The following ADGRG1 variants were observed in gnomAD, a reference collection of about 807,000 sequenced individuals.
ADGRG1 encodes 7-transmembrane protein with no EGF-like N-terminal domains-1.
A neutral mutation model predicts 73.5 loss-of-function variants in ADGRG1; 53 were observed. The ratio of observed to expected loss-of-function variants is 0.72; its 90% CI spans 0.58 to 0.91. The LOEUF is 0.91. Ranked by LOEUF, ADGRG1 falls within the 40% of genes least tolerant of loss-of-function variation. ADGRG1 has a pLI of 0.00. For synonymous variants in ADGRG1, 394 were observed against 374.4 expected (o/e 1.05, Z -0.60); for missense variants, 795 against 871.8 (o/e 0.91, Z 1.11).
At chr16:57,624,776 C>G (rs1425247010), upstream of ADGRG1, 3 of 914,364 alleles carry the variant, frequency 3.3e-6, no homozygotes, top group African/African-American at 5.4e-5. Context: ...TTGAAGATCT[C>G]CTCCTACCTC....
chr16:57,625,262 A>AG, upstream of ADGRG1, among the ~76,000 whole-genome samples: 1 of 152,272 alleles, frequency 6.6e-6, no homozygotes, highest in East Asian at 1.9e-4. Context: ...CTTGGGAAGC[A>AG]GGGGGGACCT....
chr16:57,628,554 C>T, upstream of ADGRG1: 1 of 985,560 alleles, frequency 1.0e-6, no homozygotes, highest in Non-Finnish European at 1.2e-6. Flanking sequence ...CAGTCAAGCT[C>T]AGGGAGGAGG....
intron 1 of ADGRG1, among the ~76,000 whole-genome samples, chr16:57,644,668 C>T (rs2041954728): frequency 7.6e-6 from 1 of 131,190 alleles, no homozygotes; most frequent in African/African-American, 3.0e-5. Context: ...ATCACACACT[C>T]CTCACACACT....
At chr16:57,628,490 C>T, upstream of ADGRG1, 2 of 985,166 alleles carry the variant, frequency 2.0e-6, no homozygotes. Context: ...AGCCCTGCCC[C>T]CTCCTGGTCT....
Position 57,653,402 on chromosome 16 carries a change from T to C in ADGRG1, c.620+67T>C, listed in dbSNP as rs2305307. On this transcript the variant is annotated intron_variant, in intron 4 of 13. Coordinates refer to ENST00000562631, the MANE Select transcript of ADGRG1 (RefSeq NM_201525.4). ...ATCAGAGATCTGGACCTGGGCAGGGTGGGACCTGGAGTAGGGGCTACTGCG... is the reference window on the plus strand; with the variant it reads ...ATCAGAGATCTGGACCTGGGCAGGGCGGGACCTGGAGTAGGGGCTACTGCG... 867,011 of 1,595,432 alleles carry C rather than the reference T, an allele frequency of 0.54. 239,838 individuals are homozygous for C. Among genetic ancestry groups the C allele is most frequent in the African/African-American group, 0.74 (55,159 of 74,910 alleles).
Position 57,655,895 on chromosome 16 carries a change from T to TCCTG in ADGRG1, c.921_924dup (p.Gly309ProfsTer3). On this transcript the variant is annotated frameshift_variant, in exon 7 of 14. Transcript: ENST00000562631. LOFTEE classifies it high-confidence loss of function. Reference sequence around the variant, plus strand: ...ATCTAGGACAAGAATTCCAGCCAAGTCCTGGGTGAGAAGGTCTTGGGGATT... The same window carrying TCCTG: ...ATCTAGGACAAGAATTCCAGCCAAGTCCTGCCTGGGTGAGAAGGTCTTGGGGATT... 6.2e-7 allele frequency: 1 copy of TCCTG among 1,614,128 alleles called. No homozygotes were observed. Among genetic ancestry groups the TCCTG allele is most frequent in the East Asian group, 2.2e-5 (1 of 44,872 alleles).
At chr16:57,657,181 A>ATT (rs2045940582) in intron 9 of ADGRG1, 192 bp from the exon 10 acceptor site, 1 of 236,550 alleles carries the variant, frequency 4.2e-6, no homozygotes, top group East Asian at 1.8e-4. Context: ...CCGCTTGAGA[A>ATT]TGTGGTCAAA....
intron 1 of ADGRG1, chr16:57,631,973 G>A (rs7197735): frequency 0.068 from 66,818 of 985,020 alleles, 2,380 homozygotes; most frequent in African/African-American, 0.12. Flanking sequence ...CCTGGCAGGA[G>A]GTCAGCTAAG....
upstream of ADGRG1, chr16:57,625,562 C>T (rs184933923): frequency 1.0e-6 from 1 of 984,926 alleles, no homozygotes; most frequent in Non-Finnish European, 1.2e-6. Context: ...CTGCCCATCC[C>T]TCCGCATCAT....
intron 6 of ADGRG1, 165 bp downstream of exon 6, chr16:57,655,695 C>T: frequency 1.0e-6 from 1 of 985,242 alleles, no homozygotes; most frequent in Non-Finnish European, 1.2e-6. Flanking sequence ...GAGGGCTAAG[C>T]AATGTTCTTC....
At chr16:57,641,497 TC>T in intron 1 of ADGRG1, 1 of 985,066 alleles carries the variant, frequency 1.0e-6, no homozygotes, top group Non-Finnish European at 1.2e-6. Flanking sequence ...CAGGCTGGTG[TC>T]CCCAGTGCCT....
intron 1 of ADGRG1, chr16:57,635,782 G>C (rs1251313345): frequency 1.0e-6 from 1 of 985,294 alleles, no homozygotes; most frequent in Non-Finnish European, 1.2e-6. Context: ...CCAGGGAAAG[G>C]AGTGCACCAT....
intron 1 of ADGRG1, chr16:57,639,793 C>T (rs1179236345): frequency 2.5e-6 from 2 of 810,872 alleles, no homozygotes; most frequent in Non-Finnish European, 3.0e-6. Flanking sequence ...TCGCCTCCTT[C>T]CTCCCCATCC....
intron 1 of ADGRG1, chr16:57,630,198 C>G (rs745415261): frequency 2.6e-6 from 1 of 389,702 alleles, no homozygotes; most frequent in Non-Finnish European, 3.5e-6. Flanking sequence ...AGGATAGCCC[C>G]GGGCAGCCTG....
Position 57,650,299 on chromosome 16 carries a change from G to T in ADGRG1, c.12G>T (p.Gln4His). Residue 4 changes from glutamine to histidine, a missense_variant, in exon 2 of 14, where the codon CAG (glutamine) becomes CAT (histidine). Coordinates refer to ENST00000562631, the MANE Select transcript of ADGRG1 (RefSeq NM_201525.4). MTP[Q>H]SLLQTTLFLL... ...TCCGTCGGAGGAAAATGACTCCCCAGTCGCTGCTGCAGACGACACTGTTCC... is the reference window on the plus strand; with the variant it reads ...TCCGTCGGAGGAAAATGACTCCCCATTCGCTGCTGCAGACGACACTGTTCC... 6.2e-7 allele frequency: 1 copy of T among 1,613,822 alleles called. No individual in the cohort carries two copies. The highest frequency in any genetic ancestry group is 1.1e-5 in the South Asian group (1 of 91,076).
Position 57,655,960 on chromosome 16 carries a change from G to T in ADGRG1, c.985G>T (p.Val329Leu). 1 of 1,614,062 alleles carries T rather than the reference G, an allele frequency of 6.2e-7. No individual in the cohort carries two copies. Among genetic ancestry groups the T allele is most frequent in the Non-Finnish European group, 8.5e-7 (1 of 1,179,980 alleles). The change falls in exon 7 of 14, where the codon GTG becomes TTG. Residue 329 changes from valine (V) to leucine (L), a missense_variant. Val to Leu is a conservative substitution (Grantham distance 32). Transcript: ENST00000562631. The part of the protein sequence containing the change: ...NTKVANLTEP[V>L]VLTFQHQLQP... The stretch of plus-strand genomic sequence containing the variant: ...CAAAGTAGCCAACCTCACGGAGCCC[G>T]TGGTGCTCACTTTCCAGCACCAGCT...
rs1231252122 is a variant in ADGRG1, at chr16:57,644,237, CTCATGCACACACAT to C, written c.-35-6015_-35-6002del. 14 of 962,738 alleles carry C rather than the reference CTCATGCACACACAT, an allele frequency of 1.5e-5. No homozygotes were observed. The African/African-American group carries it at 1.9e-4, about 13-fold the overall frequency. The allele number at this position is 962,738 out of a possible 1,614,324, so 59.6% of individuals were successfully genotyped here. ...GGGCACACGCACTCATGCACACACA[CTCATGCACACACAT>C]GCACAGTCATGCACGGGCACACACA... On this transcript the variant is annotated intron_variant, in intron 1 of 13. Transcript: ENST00000562631.
intron 1 of ADGRG1, chr16:57,644,965 T>A (rs1597358050): frequency 1.0e-5 from 6 of 580,464 alleles, no homozygotes; most frequent in African/African-American, 4.3e-5. Flanking sequence ...CACACACTCA[T>A]GCATGGGCAC....
chr16:57,659,642 G>A lies in ADGRG1; in HGVS notation c.1516G>A (p.Val506Ile), dbSNP rs865885836. 6.2e-7 allele frequency: 1 copy of A among 1,614,004 alleles called. No homozygotes were observed. Among genetic ancestry groups the A allele is most frequent in the Non-Finnish European group, 8.5e-7 (1 of 1,180,014 alleles). The change falls in exon 11 of 14, where the codon GTC (valine) becomes ATC (isoleucine). Residue 506 changes from valine to isoleucine, a missense_variant. Transcript: ENST00000562631. The part of the protein sequence containing the change: ...RLVVEVFGTY[V>I]PGYLLKLSAM... Reference sequence around the variant, plus strand: ...CGTGGTGGAGGTCTTTGGCACCTATGTCCCTGGCTACCTACTCAAGCTGAG... The same window carrying A: ...CGTGGTGGAGGTCTTTGGCACCTATATCCCTGGCTACCTACTCAAGCTGAG...
Sources: allele counts gnomAD v4.1 joint callset (sites outside exome capture counted in the v4.1 genomes callset), GRCh38; gene constraint gnomAD v4.1.1; transcripts MANE v1.5; gene names NCBI Gene and HGNC (gene_info 2026-07-23, HGNC 2026-07-21).